The following SPSB3 variants were observed in gnomAD, a reference collection of about 807,000 sequenced individuals.
SPSB3 encodes the protein splA/ryanodine receptor domain and SOCS box containing 3.
Under a neutral mutation model 29.5 loss-of-function variants are expected in SPSB3, and 18 were observed. The ratio of observed to expected loss-of-function variants is 0.61; its 90% CI spans 0.42 to 0.91. The LOEUF (loss-of-function observed/expected upper bound fraction) is 0.91, where lower values mean the gene tolerates loss of function less well. Ranked by LOEUF, SPSB3 falls within the 40% of genes least tolerant of loss-of-function variation. The pLI is 0.00. For missense variants in SPSB3, 540 were observed against 507.5 expected, an observed-to-expected ratio of 1.06 and a Z score of -0.61; for synonymous variants, 299 against 214.1, an observed-to-expected ratio of 1.40 and a Z score of -3.46.
chr16:1,777,207 T>G lies in SPSB3; in HGVS notation c.958A>C (p.Ser320Arg), dbSNP rs1472587781. ...ACTGGAGCCTTGCGGCGGCTGCAAC[T>G]CATGCTCAGGACCCAGCCCAGCTTG... ...HNKLGWVLSM[S>R]CSRRKAPVSD... Residue 320 changes from serine (S) to arginine (R), a missense_variant, in exon 7 of 7, where the codon AGT (serine) becomes CGT (arginine). By Grantham distance (110) the Ser-to-Arg change is moderately radical. Coordinates refer to ENST00000566339, the MANE Select transcript of SPSB3 (RefSeq NM_080861.4). 1.2e-6 allele frequency: 2 copies of G among 1,610,444 alleles called. No individual in the cohort carries two copies. Among genetic ancestry groups the G allele is most frequent in the Admixed American group, 1.7e-5 (1 of 60,018 alleles).
In SPSB3 at chr16:1,777,197, C is replaced by T. The variant is rs776119516; in HGVS notation, c.968G>A (p.Arg323His). Residue 323 changes from arginine (R) to histidine (H), a missense_variant, in exon 7 of 7, where the codon CGC becomes CAC. Transcript: ENST00000566339. The part of the protein sequence containing the change: ...LGWVLSMSCS[R>H]RKAPVSDPQA... ...GGGATCGGACACTGGAGCCTTGCGG[C>T]GGCTGCAACTCATGCTCAGGACCCA... 28 of 1,610,274 alleles carry T rather than the reference C, an allele frequency of 1.7e-5. No individual in the cohort carries two copies. The East Asian group carries it at 2.0e-4, about 12-fold the overall frequency.
chr16:1,777,931 C>T lies in SPSB3; in HGVS notation c.595+15G>A, dbSNP rs369708885. The T allele has an allele frequency of 6.2e-7, 1 of 1,612,444 alleles. No individual in the cohort carries two copies. Among genetic ancestry groups the T allele is most frequent in the South Asian group, 1.1e-5 (1 of 91,070 alleles). On this transcript the variant is annotated intron_variant, in intron 5 of 6. Coordinates refer to ENST00000566339, the MANE Select transcript of SPSB3 (RefSeq NM_080861.4). ...GCTCCAGGCTCGGCCCCGCCCCACCCTGGGCCTCACGCACCCGTGTAGGAG... is the reference window on the plus strand; with the variant it reads ...GCTCCAGGCTCGGCCCCGCCCCACCTTGGGCCTCACGCACCCGTGTAGGAG...
In SPSB3 at chr16:1,778,500, G is replaced by A. The variant is rs73483721; in HGVS notation, c.239C>T (p.Ser80Phe). 904 of 1,612,082 alleles carry A rather than the reference G, an allele frequency of 5.6e-4. 10 individuals carry two copies. The African/African-American group carries it at 0.01, about 18-fold the overall frequency. Residue 80 changes from serine to phenylalanine, a missense_variant, in exon 3 of 7, where the codon TCC (serine) becomes TTC (phenylalanine). Physicochemically the swap from Ser to Phe is radical, Grantham distance 155. Coordinates refer to ENST00000566339, the MANE Select transcript of SPSB3 (RefSeq NM_080861.4). Reference protein sequence around the residue: ...FCDCAGQSEASFCSSLHSAHR... With the variant: ...FCDCAGQSEAFFCSSLHSAHR... Reference sequence around the variant, plus strand: ...GGCCGAGTGCAGGCTGCTACAGAAGGAGGCCTCGCTCTGCCCAGCACAGTC... The same window carrying A: ...GGCCGAGTGCAGGCTGCTACAGAAGAAGGCCTCGCTCTGCCCAGCACAGTC...
In SPSB3 at chr16:1,781,163, T is replaced by G. The variant is rs7186025; in HGVS notation, c.126+195A>C. 1,165 of 1,530,716 alleles carry G rather than the reference T, an allele frequency of 7.6e-4. 5 individuals are homozygous for G. The African/African-American group carries it at 0.014, about 18-fold the overall frequency. 94.8% of individuals were successfully genotyped at this position (1,530,716 alleles called of 1,614,324 possible). ...AGGTCCTGTCACCCCTGAGGCTGTG[T>G]GTGTCCTTTGCCAAATTAAAGAGTC... On this transcript the variant is annotated intron_variant, in intron 2 of 6. Transcript: ENST00000566339.
At chr16:1,777,572 G>A (rs1160865705) in intron 6 of SPSB3, 129 bp from the exon 7 acceptor site, 47 of 1,345,228 alleles carry the variant, frequency 3.5e-5, no homozygotes, top group East Asian at 7.5e-5. Context: ...CAGGGTGCAC[G>A]CGCTGGCCCT....
At chr16:1,780,296 C>A (rs1256618468) in intron 2 of SPSB3, 2 of 152,354 alleles carry the variant, frequency 1.3e-5, no homozygotes, top group East Asian at 3.9e-4. Flanking sequence ...GGAGGCGCAG[C>A]CACACTCCTG....
chr16:1,779,936 CG>C (rs921417501), intron 2 of SPSB3: 8 of 152,200 alleles, frequency 5.3e-5, no homozygotes, highest in Admixed American at 2.0e-4. Context: ...GACCTCAGGA[CG>C]GCCCCCACCC....
At chr16:1,778,689 A>T in intron 2 of SPSB3, 77 bp from the exon 3 acceptor site, 1 of 1,468,332 alleles carries the variant, frequency 6.8e-7, no homozygotes, top group Non-Finnish European at 9.0e-7. Context: ...TCCCTGTCCC[A>T]CCCTGTCCCT....
Position 1,778,314 on chromosome 16 carries a change from G to C in SPSB3, c.312C>G (p.Asp104Glu). 6.2e-7 allele frequency: 1 copy of C among 1,612,316 alleles called. No individual in the cohort carries two copies. The highest frequency in any genetic ancestry group is 1.1e-5 in the South Asian group (1 of 91,082). The change falls in exon 4 of 7, where the codon GAC becomes GAG. Residue 104 changes from aspartate (D) to glutamate (E), a missense_variant. Asp to Glu is a conservative substitution (Grantham distance 45). Coordinates refer to ENST00000566339, the MANE Select transcript of SPSB3 (RefSeq NM_080861.4). ...ACTTATTTAAGTCATCCCAGACCCA[G>C]TCGAAATCTGCAAGAGAGGCCCAGG... The part of the protein sequence containing the change: ...CRCGEEDEYF[D>E]WVWDDLNKSS...
Position 1,777,931 on chromosome 16 carries a change from C to A in SPSB3, c.595+15G>T. 1 of 1,612,444 alleles carries A rather than the reference C, an allele frequency of 6.2e-7. No individual in the cohort carries two copies. The highest frequency in any genetic ancestry group is 1.3e-5 in the African/African-American group (1 of 75,040). On this transcript the variant is annotated intron_variant, in intron 5 of 6. Transcript: ENST00000566339. ...GCTCCAGGCTCGGCCCCGCCCCACC[C>A]TGGGCCTCACGCACCCGTGTAGGAG...
rs756356616 is a variant in SPSB3, at chr16:1,777,287, C to G, written c.878G>C (p.Gly293Ala). 5 of 1,610,382 alleles carry G rather than the reference C, an allele frequency of 3.1e-6. No homozygotes were observed. In the African/African-American group the frequency reaches 5.3e-5, roughly 17 times the overall value. The change falls in exon 7 of 7, where the codon GGA becomes GCA. Residue 293 changes from glycine to alanine, a missense_variant. Coordinates refer to ENST00000566339, the MANE Select transcript of SPSB3 (RefSeq NM_080861.4). ...CAGCGGCAGACCCTCCAGCGTGTCT[C>G]CCGAGTCTGGCCGCAGCTGGCGCAG... is the stretch of plus-strand genomic sequence containing the variant. ...HRLRQLRPDS[G>A]DTLEGLPLPP...
intron 2 of SPSB3, chr16:1,780,119 C>G (rs935839381): frequency 6.6e-6 from 1 of 152,368 alleles, no homozygotes; most frequent in African/African-American, 2.4e-5. Context: ...GTCACACAAG[C>G]AGCCGCCCCG....
chr16:1,781,258 T>C (rs1333588651), intron 2 of SPSB3, 100 bp downstream of exon 2: 4 of 1,607,446 alleles, frequency 2.5e-6, no homozygotes, highest in Admixed American at 3.3e-5. Flanking sequence ...GAAGCATCTT[T>C]TTCTCCGACT....
chr16:1,777,521 T>C, intron 6 of SPSB3, 78 bp from the exon 7 acceptor site: 2 of 1,405,768 alleles, frequency 1.4e-6, no homozygotes, highest in Middle Eastern at 2.6e-4. Context: ...GACCTCACGC[T>C]ACAGTCACCC....
intron 2 of SPSB3, chr16:1,779,505 A>C (rs1439259268): frequency 6.6e-6 from 1 of 152,398 alleles, no homozygotes; most frequent in Non-Finnish European, 1.5e-5. Flanking sequence ...GGACCTATCG[A>C]AAGCCAGCTT....
Position 1,778,036 on chromosome 16 carries a change from C to G in SPSB3, c.505G>C (p.Gly169Arg). The change falls in exon 5 of 7, where the codon GGG (glycine) becomes CGG (arginine). Residue 169 changes from glycine to arginine, a missense_variant. By Grantham distance (125) the Gly-to-Arg change is moderately radical. Coordinates refer to ENST00000566339, the MANE Select transcript of SPSB3 (RefSeq NM_080861.4). ...VYGTDMMVGI[G>R]TSDVDLDKYR... is the part of the protein sequence containing the mutation. Reference sequence around the variant, plus strand: ...TTGTCCAGGTCCACATCCGACGTCCCGATGCCCACCATCTAGGAACAGGGG... The same window carrying G: ...TTGTCCAGGTCCACATCCGACGTCCGGATGCCCACCATCTAGGAACAGGGG... The G allele has an allele frequency of 6.2e-7, 1 of 1,613,208 alleles. No individual in the cohort carries two copies. The highest frequency in any genetic ancestry group is 8.5e-7 in the Non-Finnish European group (1 of 1,180,004).
rs201090527 is a variant in SPSB3 at position 1,781,466 on chromosome 16, C to G, written c.18G>C (p.Arg6=). The G allele has an allele frequency of 3.1e-6, 5 of 1,612,506 alleles. No homozygotes were observed. Among genetic ancestry groups the G allele is most frequent in the Non-Finnish European group, 2.5e-6 (3 of 1,179,912 alleles). MARRP[R]NSRAWHFVLS... The stretch of plus-strand genomic sequence containing the variant: ...GGACGAAGTGCCAGGCCCTGCTGTT[C>G]CGGGGGCGTCTGGCCATGGTGGAAA... The change falls in exon 2 of 7, where the codon CGG becomes CGC. Residue 6 remains arginine, a synonymous_variant. Coordinates refer to ENST00000566339, the MANE Select transcript of SPSB3 (RefSeq NM_080861.4).
chr16:1,781,725 A>T, intron 1 of SPSB3: 1 of 547,992 alleles, frequency 1.8e-6, no homozygotes, highest in Middle Eastern at 4.8e-4. Context: ...TGACTCCGGA[A>T]TGCGAATCCC....
chr16:1,777,505 C>G lies in SPSB3; in HGVS notation c.722-62G>C, dbSNP rs545994895. 6 of 1,430,476 alleles carry G rather than the reference C, an allele frequency of 4.2e-6. No homozygotes were observed. The African/African-American group carries it at 8.6e-5, about 20-fold the overall frequency. The allele number at this position is 1,430,476 out of a possible 1,614,324, so 88.6% of individuals were successfully genotyped here. A position where few individuals can be genotyped will look rare whatever the true frequency, so the allele number is the denominator to read the frequency against. ...GAAGGGGCCAGCTACTGGGCGCAGC[C>G]CCTCAGACCTCACGCTACAGTCACC... On this transcript the variant is annotated intron_variant, in intron 6 of 6. Transcript: ENST00000566339.
Sources: gnomAD v4.1 joint callset for allele counts on GRCh38, gnomAD v4.1.1 for gene constraint, MANE v1.5 for transcripts, NCBI Gene and HGNC (gene_info 2026-07-23, HGNC 2026-07-21) for gene names.